Variants in CXCL13 observed in about 807,000 individuals in gnomAD.
The protein encoded by CXCL13 is C-X-C motif chemokine 13.
In CXCL13, 7 loss-of-function variants were observed where a neutral mutation model predicts 12.2. The observed-to-expected ratio is 0.57, with a 90% CI of 0.33 to 1.07. The LOEUF (loss-of-function observed/expected upper bound fraction) is 1.07. Ranked by LOEUF, CXCL13 falls within the 50% of genes least tolerant of loss-of-function variation. The probability of loss-of-function intolerance (pLI) is 0.04; values close to 1 mark genes in which losing one functional copy is unlikely to be tolerated. For synonymous variants in CXCL13, 47 were observed against 42.4 expected (o/e 1.11, Z -0.42); for missense variants, 113 against 127.4 (o/e 0.89, Z 0.55).
rs142091460 is a variant in CXCL13 at position 77,522,965 on chromosome 4, T to C, written c.-43+11177T>C. 8.4e-3 allele frequency among the ~76,000 whole-genome samples: 1,284 copies of C among 152,310 alleles called. 9 individuals are homozygous for C. Among genetic ancestry groups the C allele is most frequent in the Non-Finnish European group, 0.013 (907 of 68,032 alleles). ...AAGGATTTTATTTCTCCTTTGCTTA[T>C]GAATCTTAGTTTGGCTGGATATTAA... On this transcript the variant is annotated intron_variant, in intron 1 of 4. Transcript: ENST00000286758.
In CXCL13 at chr4:77,559,590, C is replaced by CGTGTGTGT. The variant is rs376338194; in HGVS notation, c.-42-46220_-42-46213dup. On this transcript the variant is annotated intron_variant, in intron 1 of 4. Coordinates refer to the CXCL13 transcript ENST00000286758. Reference sequence around the variant, plus strand: ...TCTTCCATTCAAGGACTAAATATGCCGTGTGTGTGTGTGTGTGTGTGATTG... The same window carrying CGTGTGTGT: ...TCTTCCATTCAAGGACTAAATATGCCGTGTGTGTGTGTGTGTGTGTGTGTGTGTGATTG... Among the ~76,000 whole-genome samples, 7 of 148,732 alleles carry CGTGTGTGT rather than the reference C, an allele frequency of 4.7e-5. No homozygotes were observed. The South Asian group carries it at 8.5e-4, about 18-fold the overall frequency.
intron 1 of CXCL13, among the ~76,000 whole-genome samples, chr4:77,528,316 TG>T (rs1354051297): frequency 6.6e-6 from 1 of 152,238 alleles, no homozygotes; most frequent in African/African-American, 2.4e-5. Flanking sequence ...CTGGGTCAAA[TG>T]GTATTTCTAG....
chr4:77,579,281 C>A (rs1560531549), intron 1 of CXCL13, among the ~76,000 whole-genome samples: 1 of 152,218 alleles, frequency 6.6e-6, no homozygotes, highest in African/African-American at 2.4e-5. Flanking sequence ...TTCCCCCCAA[C>A]CCCCAGAGGC....
At chr4:77,566,182 C>A (rs1006293844) in intron 1 of CXCL13, among the ~76,000 whole-genome samples, 2 of 152,184 alleles carry the variant, frequency 1.3e-5, no homozygotes, top group African/African-American at 2.4e-5. Flanking sequence ...GGTGAACAGA[C>A]AAATTTCTTC....
intron 1 of CXCL13, among the ~76,000 whole-genome samples, chr4:77,530,740 G>A (rs13103168): frequency 2.0e-5 from 3 of 151,994 alleles, no homozygotes; most frequent in Admixed American, 2.0e-4. Flanking sequence ...TGGATTCATT[G>A]ATTTTTTGAA....
chr4:77,572,825 G>A (rs947746897), intron 1 of CXCL13, among the ~76,000 whole-genome samples: 2 of 151,830 alleles, frequency 1.3e-5, no homozygotes, highest in African/African-American at 4.9e-5. Flanking sequence ...CAAAGGTAGG[G>A]AATCAACCTA....
At chr4:77,573,411 T>G (rs1726139523) in intron 1 of CXCL13, among the ~76,000 whole-genome samples, 1 of 125,532 alleles carries the variant, frequency 8.0e-6, no homozygotes, top group Non-Finnish European at 1.7e-5. Context: ...TGTGTGTGTG[T>G]ATGTCTAAAT....
At chr4:77,596,847 A>G (rs1200694866) in intron 1 of CXCL13, among the ~76,000 whole-genome samples, 6 of 152,158 alleles carry the variant, frequency 3.9e-5, no homozygotes, top group African/African-American at 1.4e-4. Flanking sequence ...CCCTGAAGAG[A>G]TATCTGCATC....
In CXCL13 at chr4:77,540,001, G is replaced by A. The variant is rs72650473; in HGVS notation, c.-43+28213G>A. On this transcript the variant is annotated intron_variant, in intron 1 of 4. Coordinates refer to the CXCL13 transcript ENST00000286758. ...GGGTCAGAAGGGCCATAAAAACAGG[G>A]AGATGCTGACAGTTGTATCAATCTT... Among the ~76,000 whole-genome samples the A allele has an allele frequency of 1.9e-3, 294 of 152,268 alleles. 1 individual carries two copies. The highest frequency in any genetic ancestry group is 3.5e-3 in the Non-Finnish European group (237 of 68,030).
chr4:77,561,876 G>A (rs1322370907), intron 1 of CXCL13, among the ~76,000 whole-genome samples: 3 of 152,200 alleles, frequency 2.0e-5, no homozygotes, highest in African/African-American at 7.2e-5. Context: ...CTGCTTGTGG[G>A]GTGATGTGGA....
intron 1 of CXCL13, among the ~76,000 whole-genome samples, chr4:77,514,953 G>A (rs1227285240): frequency 3.9e-5 from 6 of 152,254 alleles, no homozygotes; most frequent in African/African-American, 1.4e-4. Flanking sequence ...TAACGTTTAA[G>A]TCTTTAATCC....
At chr4:77,523,986 G>A (rs1402344431) in intron 1 of CXCL13, among the ~76,000 whole-genome samples, 1 of 152,172 alleles carries the variant, frequency 6.6e-6, no homozygotes, top group Non-Finnish European at 1.5e-5. Flanking sequence ...CAGATCTGTT[G>A]GAGTTTGCTG....
At chr4:77,516,607 A>G (rs1724426095) in intron 1 of CXCL13, among the ~76,000 whole-genome samples, 2 of 152,160 alleles carry the variant, frequency 1.3e-5, no homozygotes, top group Admixed American at 6.5e-5. Context: ...AGGTGTTTGT[A>G]GTATTCTCTG....
chr4:77,524,591 G>A (rs1049016507), intron 1 of CXCL13, among the ~76,000 whole-genome samples: 3 of 152,190 alleles, frequency 2.0e-5, no homozygotes, highest in Admixed American at 6.5e-5. Context: ...CAGTATTTGG[G>A]CTGGAGTGTC....
At chr4:77,592,693 G>C (rs988698874) in intron 1 of CXCL13, among the ~76,000 whole-genome samples, 3 of 152,202 alleles carry the variant, frequency 2.0e-5, no homozygotes, top group African/African-American at 4.8e-5. Flanking sequence ...AAACCAGGGG[G>C]AGCTGGGCAG....
chr4:77,561,042 G>A (rs1259373925), intron 1 of CXCL13, among the ~76,000 whole-genome samples: 1 of 152,122 alleles, frequency 6.6e-6, no homozygotes, highest in Non-Finnish European at 1.5e-5. Flanking sequence ...TTCCATTTAA[G>A]GCTAACAGTT....
chr4:77,562,120 G>A (rs933503135), intron 1 of CXCL13, among the ~76,000 whole-genome samples: 1 of 152,014 alleles, frequency 6.6e-6, no homozygotes, highest in Admixed American at 6.5e-5. Flanking sequence ...AAGGCCTCAG[G>A]ACCTGCAGCC....
intron 1 of CXCL13, among the ~76,000 whole-genome samples, chr4:77,557,417 G>T (rs572317604): frequency 1.5e-3 from 228 of 152,294 alleles, no homozygotes; most frequent in Non-Finnish European, 2.6e-3. Context: ...AATGGATCAT[G>T]ACTATATATT....
intron 1 of CXCL13, among the ~76,000 whole-genome samples, chr4:77,516,694 C>G (rs1724429530): frequency 6.6e-6 from 1 of 151,972 alleles, no homozygotes; most frequent in Non-Finnish European, 1.5e-5. Flanking sequence ...TGATTCTTCT[C>G]TCTTTTTTTT....
Sources: gnomAD v4.1 joint callset for allele counts (sites outside exome capture counted in the v4.1 genomes callset) on GRCh38, gnomAD v4.1.1 for gene constraint, MANE v1.5 for transcripts, NCBI Gene and HGNC (gene_info 2026-07-23, HGNC 2026-07-21) for gene names.